The following PLAC1 variants were observed in gnomAD, a reference collection of about 807,000 sequenced individuals.
The protein encoded by PLAC1 is placenta associated 1.
For synonymous variants in PLAC1, 68 were observed against 62.1 expected, an observed-to-expected ratio of 1.09 and a Z score of -0.44; for missense variants, 136 against 163.2, an observed-to-expected ratio of 0.83 and a Z score of 0.91.
At chrX:134,574,583 C>T (rs946060937) in intron 2 of PLAC1, among the ~76,000 whole-genome samples, 7 of 112,063 alleles carry the variant, frequency 6.2e-5, no homozygotes, top group African/African-American at 1.6e-4. Context: ...TCCCATCCAA[C>T]GGTACCCAAT....
chrX:134,643,208 G>C (rs2078315530), intron 1 of PLAC1, among the ~76,000 whole-genome samples: 2 of 111,200 alleles, frequency 1.8e-5, no homozygotes, highest in African/African-American at 6.5e-5. Context: ...TACCAAAATT[G>C]GCTTGAGAGC....
chrX:134,641,555 C>T (rs1451442132), intron 1 of PLAC1, among the ~76,000 whole-genome samples: 1 of 112,147 alleles, frequency 8.9e-6, no homozygotes, highest in Non-Finnish European at 1.9e-5. Flanking sequence ...ACCATCTTTC[C>T]CAGGAAGTAA....
intron 1 of PLAC1, among the ~76,000 whole-genome samples, chrX:134,639,161 C>T (rs2078296734): frequency 9.0e-6 from 1 of 111,658 alleles, no homozygotes; most frequent in South Asian, 3.7e-4. Flanking sequence ...ATTTTGTATG[C>T]ACCCATCACC....
At chrX:134,574,494 T>G (rs2077927311) in intron 2 of PLAC1, among the ~76,000 whole-genome samples, 1 of 111,122 alleles carries the variant, frequency 9.0e-6, no homozygotes, top group Non-Finnish European at 1.9e-5. Context: ...GAGTACAGAG[T>G]CCTAACAAGC....
At chrX:134,728,357 C>T (rs1395515211) in intron 2 of PLAC1, among the ~76,000 whole-genome samples, 1 of 112,099 alleles carries the variant, frequency 8.9e-6, no homozygotes, top group Non-Finnish European at 1.9e-5. Context: ...CAAACTGTGA[C>T]AAGCCAAAGG....
At chrX:134,667,244 G>A (rs1027246615) in intron 2 of PLAC1, among the ~76,000 whole-genome samples, 1 of 112,059 alleles carries the variant, frequency 8.9e-6, no homozygotes, top group African/African-American at 3.2e-5. Flanking sequence ...ACCACCCATG[G>A]AATGAGAGAA....
intron 2 of PLAC1, among the ~76,000 whole-genome samples, chrX:134,716,371 G>A (rs149738362): frequency 0.011 from 1,246 of 112,511 alleles, 20 homozygotes; most frequent in African/African-American, 0.037. Flanking sequence ...GGAGGGCCTG[G>A]GGTGGTTGAC....
intron 2 of PLAC1, among the ~76,000 whole-genome samples, chrX:134,672,214 A>G (rs1468076117): frequency 1.8e-5 from 2 of 112,249 alleles, no homozygotes; most frequent in Non-Finnish European, 3.8e-5. Flanking sequence ...GAGAGGAAGT[A>G]TAGCTATTTG....
intron 2 of PLAC1, among the ~76,000 whole-genome samples, chrX:134,665,388 T>G (rs2078433222): frequency 8.9e-6 from 1 of 111,932 alleles, no homozygotes; most frequent in African/African-American, 3.3e-5. Context: ...CCCATTTTAT[T>G]GCTGATTAGA....
chrX:134,624,275 G>A (rs890189990), intron 1 of PLAC1, among the ~76,000 whole-genome samples: 2 of 112,099 alleles, frequency 1.8e-5, no homozygotes, highest in Admixed American at 1.9e-4. Context: ...AGCTTCAAAT[G>A]CACTGAGATA....
chrX:134,575,810 G>T (rs1250875617), intron 2 of PLAC1, among the ~76,000 whole-genome samples: 1 of 107,366 alleles, frequency 9.3e-6, no homozygotes, highest in Non-Finnish European at 1.9e-5. Context: ...TTGGTTTGGT[G>T]CCTTTTTCCT....
intron 2 of PLAC1, among the ~76,000 whole-genome samples, chrX:134,681,086 A>G (rs2078494295): frequency 1.8e-5 from 2 of 111,464 alleles, no homozygotes; most frequent in Admixed American, 9.6e-5. Context: ...AAGGGGCCTC[A>G]TCTGTCTTCT....
chrX:134,737,282 A>G (rs1290352432), intron 1 of PLAC1, among the ~76,000 whole-genome samples: 1 of 112,227 alleles, frequency 8.9e-6, no homozygotes, highest in Non-Finnish European at 1.9e-5. Context: ...CAAGTCCCTT[A>G]ATCACCTATT....
At chrX:134,712,321 C>T (rs888818736) in intron 2 of PLAC1, among the ~76,000 whole-genome samples, 1 of 111,207 alleles carries the variant, frequency 9.0e-6, no homozygotes, top group Non-Finnish European at 1.9e-5. Flanking sequence ...TTAGTAAGTT[C>T]CTTTTTCTAG....
At chrX:134,708,290 CG>C (rs2078614246) in intron 2 of PLAC1, among the ~76,000 whole-genome samples, 1 of 111,502 alleles carries the variant, frequency 9.0e-6, no homozygotes, top group African/African-American at 3.3e-5. Flanking sequence ...CTAGCAGACT[CG>C]GCAATAGAAA....
intron 1 of PLAC1, among the ~76,000 whole-genome samples, chrX:134,746,055 A>T (rs750693596): frequency 5.4e-5 from 6 of 111,894 alleles, no homozygotes; most frequent in Admixed American, 9.5e-5. Flanking sequence ...AAAATGAATC[A>T]GCTTGAGAAT....
intron 2 of PLAC1, among the ~76,000 whole-genome samples, chrX:134,689,519 A>G (rs964847922): frequency 3.6e-5 from 4 of 111,163 alleles, no homozygotes; most frequent in Non-Finnish European, 5.7e-5. Flanking sequence ...GCCCTCCCCA[A>G]CTTCTCTAGC....
chrX:134,696,582 G>T (rs1426766694), intron 2 of PLAC1, among the ~76,000 whole-genome samples: 6 of 111,544 alleles, frequency 5.4e-5, no homozygotes, highest in Non-Finnish European at 1.1e-4. Flanking sequence ...TCGTAGCTTG[G>T]CTCCTTTATT....
chrX:134,590,797 G>A (rs768042043), intron 2 of PLAC1, among the ~76,000 whole-genome samples: 14 of 110,440 alleles, frequency 1.3e-4, no homozygotes, highest in East Asian at 5.8e-4. Context: ...AGTAGAGACC[G>A]GGTTTCACCA....
Sources: allele counts gnomAD v4.1 joint callset (sites outside exome capture counted in the v4.1 genomes callset), GRCh38; gene constraint gnomAD v4.1.1; transcripts MANE v1.5; gene names NCBI Gene and HGNC (gene_info 2026-07-23, HGNC 2026-07-21).